RNF144A: variants seen among roughly 807,000 people sequenced by gnomAD.
The protein encoded by RNF144A is ring finger protein 144A.
A neutral mutation model predicts 38.7 loss-of-function variants in RNF144A; 11 were observed. The ratio of observed to expected loss-of-function variants is 0.28; its 90% CI spans 0.18 to 0.47. The LOEUF (loss-of-function observed/expected upper bound fraction) is 0.47, where lower values mean the gene tolerates loss of function less well. Ranked by LOEUF, RNF144A falls within the 20% of genes least tolerant of loss-of-function variation. RNF144A has a pLI of 0.99. For missense variants in RNF144A, 316 were observed against 377.2 expected, an observed-to-expected ratio of 0.84 and a Z score of 1.34; for synonymous variants, 149 against 143.9, an observed-to-expected ratio of 1.04 and a Z score of -0.25.
intron 1 of RNF144A, among the ~76,000 whole-genome samples, chr2:6,927,416 A>G (rs1014228124): frequency 1.3e-5 from 2 of 152,112 alleles, no homozygotes; most frequent in East Asian, 3.9e-4. Flanking sequence ...TGTGCAGTGG[A>G]TCCAGCCTTT....
chr2:7,059,469 G>T (rs543632645), intron 6 of RNF144A, among the ~76,000 whole-genome samples: 1 of 152,300 alleles, frequency 6.6e-6, no homozygotes, highest in South Asian at 2.1e-4. Flanking sequence ...CCCACTTCCT[G>T]AGTCAGGCAG....
intron 1 of RNF144A, among the ~76,000 whole-genome samples, chr2:6,924,322 G>A (rs750892577): frequency 3.9e-5 from 6 of 152,244 alleles, no homozygotes; most frequent in African/African-American, 7.2e-5. Context: ...GGCACTGTGC[G>A]ATGCACGGGA....
chr2:6,969,469 C>G (rs1056228777), intron 2 of RNF144A, among the ~76,000 whole-genome samples: 1 of 152,082 alleles, frequency 6.6e-6, no homozygotes, highest in East Asian at 1.9e-4. Flanking sequence ...AGGAACTGAC[C>G]CTGCCCACAC....
At position 6,996,898 on chromosome 2, in the gene RNF144A, G is replaced by T. The variant is rs375994544; in HGVS notation, c.-11-18G>T. The T allele has an allele frequency of 9.9e-6, 16 of 1,608,692 alleles. No individual in the cohort carries two copies. Among genetic ancestry groups the T allele is most frequent in the Non-Finnish European group, 1.3e-5 (15 of 1,176,630 alleles). On this transcript the variant is annotated intron_variant, in intron 2 of 8. Coordinates refer to ENST00000320892, the MANE Select transcript of RNF144A (RefSeq NM_014746.6). ...CAGGGGTGGGGAGGTCTGACCTTCC[G>T]TGCTTCTCTCGTTTCAGACTGTTCT...
Position 6,941,842 on chromosome 2 carries a change from G to A in RNF144A, c.-12+695G>A, listed in dbSNP as rs1476917432. Reference sequence around the variant, plus strand: ...GAAGGGCTGGTGGCTGCAGCATACGGACAGCTGGAGGAGCACCCAGGCCAG... The same window carrying A: ...GAAGGGCTGGTGGCTGCAGCATACGAACAGCTGGAGGAGCACCCAGGCCAG... On this transcript the variant is annotated intron_variant, in intron 2 of 8. Transcript: ENST00000320892. This position sits in a 1 kb window ranked among gnomAD's most constrained non-coding sequence, Gnocchi z 6.5. Among the ~76,000 whole-genome samples the A allele has an allele frequency of 6.6e-6, 1 of 152,246 alleles. No homozygotes were observed. Among genetic ancestry groups the A allele is most frequent in the Admixed American group, 6.5e-5 (1 of 15,292 alleles).
intron 8 of RNF144A, among the ~76,000 whole-genome samples, chr2:7,035,886 T>A (rs997197960): frequency 6.6e-6 from 1 of 152,268 alleles, no homozygotes; most frequent in African/African-American, 2.4e-5. Context: ...ATTGTCTTTG[T>A]TGCATAAAGT....
chr2:7,039,520 G>C, intron 8 of RNF144A, 109 bp from the exon 9 acceptor site: 1 of 1,523,132 alleles, frequency 6.6e-7, no homozygotes, highest in South Asian at 1.3e-5. Context: ...GGATGGTTGG[G>C]TGGATGGATG....
chr2:6,966,360 T>C (rs1667667495), intron 2 of RNF144A, among the ~76,000 whole-genome samples: 1 of 152,174 alleles, frequency 6.6e-6, no homozygotes, highest in Non-Finnish European at 1.5e-5. Flanking sequence ...CACTGGAATA[T>C]TTTAAAGTTT....
intron 2 of RNF144A, among the ~76,000 whole-genome samples, chr2:6,967,987 C>T (rs770144861): frequency 1.1e-4 from 16 of 152,022 alleles, no homozygotes; most frequent in Non-Finnish European, 2.2e-4. Context: ...TTTTCAGAAA[C>T]GGGTCACTGC....
intron 2 of RNF144A, among the ~76,000 whole-genome samples, chr2:6,973,241 A>T (rs1238422056): frequency 6.6e-6 from 1 of 152,226 alleles, no homozygotes; most frequent in Admixed American, 6.5e-5. Flanking sequence ...ATCCCAGAAG[A>T]TGCACACTTT....
Position 6,962,776 on chromosome 2 carries a change from C to G in RNF144A, c.-12+21629C>G, listed in dbSNP as rs1014581380. Among the ~76,000 whole-genome samples, 4 of 152,138 alleles carry G rather than the reference C, an allele frequency of 2.6e-5. No individual in the cohort carries two copies. Among genetic ancestry groups the G allele is most frequent in the African/African-American group, 9.7e-5 (4 of 41,420 alleles). On this transcript the variant is annotated intron_variant, in intron 2 of 8. Transcript: ENST00000320892. This position sits in a 1 kb window ranked among gnomAD's most constrained non-coding sequence, Gnocchi z 4.1. The stretch of plus-strand genomic sequence containing the variant: ...TAAACTTCCAGAGGCAGGGCAATAC[C>G]TTTTCCATTACTGAGCACAGGCATT...
chr2:7,039,570 A>G lies in RNF144A; in HGVS notation c.748-59A>G, dbSNP rs552308507. 8.2e-5 allele frequency: 131 copies of G among 1,594,922 alleles called. No homozygotes were observed. In the South Asian group the frequency reaches 1.4e-3, roughly 17 times the overall value. ...TAGCTGGTTGTGTGGTTTACACTTT[A>G]GCTCTGGAACCTACAGACCAGCCCT... On this transcript the variant is annotated intron_variant, in intron 8 of 8. Coordinates refer to ENST00000320892, the MANE Select transcript of RNF144A (RefSeq NM_014746.6).
intron 5 of RNF144A, among the ~76,000 whole-genome samples, chr2:7,016,012 C>G (rs899980624): frequency 6.7e-6 from 1 of 150,364 alleles, no homozygotes; most frequent in Non-Finnish European, 1.5e-5. Flanking sequence ...AAAAGAAATG[C>G]TAGAGATAGC....
At chr2:6,972,032 G>A (rs1315453065) in intron 2 of RNF144A, among the ~76,000 whole-genome samples, 1 of 152,086 alleles carries the variant, frequency 6.6e-6, no homozygotes, top group East Asian at 1.9e-4. Context: ...AGGCCCCTGG[G>A]GAGGAATTAC....
intron 2 of RNF144A, among the ~76,000 whole-genome samples, chr2:6,986,449 C>G (rs1236284025): frequency 6.6e-6 from 1 of 152,116 alleles, no homozygotes; most frequent in African/African-American, 2.4e-5. Context: ...GGCCTGCCCC[C>G]TTGTTGAGCT....
At chr2:6,995,277 C>A (rs979471768) in intron 2 of RNF144A, among the ~76,000 whole-genome samples, 1 of 152,050 alleles carries the variant, frequency 6.6e-6, no homozygotes, top group African/African-American at 2.4e-5. Context: ...ACAGTAAGTC[C>A]CAAACCTACC....
rs1177062729 is a variant in RNF144A at position 6,943,546 on chromosome 2, C to T, written c.-12+2399C>T. Among the ~76,000 whole-genome samples, 1 of 152,144 alleles carries T rather than the reference C, an allele frequency of 6.6e-6. No homozygotes were observed. The highest frequency in any genetic ancestry group is 1.5e-5 in the Non-Finnish European group (1 of 68,026). On this transcript the variant is annotated intron_variant, in intron 2 of 8. Transcript: ENST00000320892. The surrounding 1 kb of genome is among the most constrained non-coding windows in gnomAD (Gnocchi z 4.3). ...GAAGCATTATCAGCATGTTTAGATG[C>T]TGATGGGAGTGATTCTGTAGAGAGT... is the stretch of plus-strand genomic sequence containing the variant.
At chr2:6,930,587 A>G (rs1210901197) in intron 1 of RNF144A, among the ~76,000 whole-genome samples, 4 of 151,958 alleles carry the variant, frequency 2.6e-5, no homozygotes, top group African/African-American at 4.8e-5. Context: ...ATACGTGTAT[A>G]TATATGTATA....
intron 3 of RNF144A, among the ~76,000 whole-genome samples, chr2:6,997,573 G>A (rs1359729099): frequency 2.0e-5 from 3 of 152,124 alleles, no homozygotes; most frequent in African/African-American, 4.8e-5. Flanking sequence ...ATGATCCTTC[G>A]GGGCTTAATG....
Sources: gnomAD v4.1 joint callset for allele counts (sites outside exome capture counted in the v4.1 genomes callset) on GRCh38, gnomAD v4.1.1 for gene constraint, Gnocchi (gnomAD v3.1) non-coding constraint, MANE v1.5 for transcripts, NCBI Gene and HGNC (gene_info 2026-07-23, HGNC 2026-07-21) for gene names.